Variants in STAG1 observed in about 807,000 individuals in gnomAD.
STAG1 encodes the protein STAG1 cohesin complex component, also known as cohesin subunit SA-1.
A neutral mutation model predicts 170.9 loss-of-function variants in STAG1; 26 were observed. The observed-to-expected ratio is 0.15, with a 90% CI of 0.11 to 0.21. The LOEUF (loss-of-function observed/expected upper bound fraction) is 0.21. Ranked by LOEUF, STAG1 falls within the 10% of genes least tolerant of loss-of-function variation. The pLI is 1.00. For synonymous variants in STAG1, 514 were observed against 497.7 expected (o/e 1.03, Z -0.44); for missense variants, 964 against 1,509.5 (o/e 0.64, Z 5.99).
chr3:136,525,633 G>C (rs1934973354), intron 6 of STAG1, among the ~76,000 whole-genome samples: 1 of 152,048 alleles, frequency 6.6e-6, no homozygotes, highest in South Asian at 2.1e-4. Flanking sequence ...CTTGCTTTCT[G>C]CTAGCTTTTG....
rs778672737 is a variant in STAG1, at chr3:136,349,138, T to C, written c.3271+20A>G. ...TTAAAACCAGGCAAATTGTTTCTTA[T>C]AGTGTAAAGGCAGACTTACCTTCTA... On this transcript the variant is annotated intron_variant, in intron 29 of 33. Transcript: ENST00000383202. 12 of 1,581,400 alleles carry C rather than the reference T, an allele frequency of 7.6e-6. No individual in the cohort carries two copies. The highest frequency in any genetic ancestry group is 2.2e-5 in the East Asian group (1 of 44,726).
chr3:136,526,293 T>C (rs192067372), intron 6 of STAG1, among the ~76,000 whole-genome samples: 3 of 152,332 alleles, frequency 2.0e-5, no homozygotes, highest in African/African-American at 7.2e-5. Context: ...ATTGGGTGAA[T>C]ATATATTTAG....
At chr3:136,602,804 C>T (rs1938735362) in intron 4 of STAG1, among the ~76,000 whole-genome samples, 1 of 152,114 alleles carries the variant, frequency 6.6e-6, no homozygotes, top group Non-Finnish European at 1.5e-5. Context: ...TGAGCCACTG[C>T]ACTCCAACCT....
chr3:136,361,090 AG>A (rs1936846640), intron 26 of STAG1, among the ~76,000 whole-genome samples: 1 of 152,242 alleles, frequency 6.6e-6, no homozygotes, highest in Non-Finnish European at 1.5e-5. Context: ...TCAAAGTAAA[AG>A]TTATTCTTTC....
rs562747060 is a variant in STAG1, at chr3:136,587,203, T to C, written c.297+17106A>G. Among the ~76,000 whole-genome samples the C allele has an allele frequency of 2.2e-4, 34 of 151,990 alleles. 1 individual carries two copies. The South Asian group carries it at 6.8e-3, about 31-fold the overall frequency. On this transcript the variant is annotated intron_variant, in intron 4 of 33. Transcript: ENST00000383202. The stretch of plus-strand genomic sequence containing the variant: ...AAACAACTTCACTCTTAAGCAAATA[T>C]TAATCTATCATCTGAGGATTTTCAA...
At chr3:136,621,440 T>C (rs567222994) in intron 3 of STAG1, among the ~76,000 whole-genome samples, 4 of 152,256 alleles carry the variant, frequency 2.6e-5, no homozygotes, top group East Asian at 3.9e-4. Context: ...AACTTGCCTA[T>C]GGTCTCAGAA....
intron 25 of STAG1, among the ~76,000 whole-genome samples, chr3:136,365,650 G>A (rs1028923389): frequency 2.6e-5 from 4 of 152,012 alleles, no homozygotes; most frequent in African/African-American, 4.8e-5. Context: ...CAATACCATC[G>A]GTGAGCTTGA....
At chr3:136,534,594 G>T (rs915317237) in intron 6 of STAG1, among the ~76,000 whole-genome samples, 4 of 152,008 alleles carry the variant, frequency 2.6e-5, no homozygotes, top group African/African-American at 9.7e-5. Context: ...CAAAGCACAT[G>T]AATAGTCAAT....
At chr3:136,479,021 C>G (rs1437515101) in intron 9 of STAG1, among the ~76,000 whole-genome samples, 1 of 150,890 alleles carries the variant, frequency 6.6e-6, no homozygotes. Context: ...ACCTGGCATC[C>G]ATTAATCCTT....
At chr3:136,630,575 G>T (rs1442632664) in intron 2 of STAG1, among the ~76,000 whole-genome samples, 1 of 152,118 alleles carries the variant, frequency 6.6e-6, no homozygotes, top group Non-Finnish European at 1.5e-5. Context: ...ATTTTATTTT[G>T]CAAAAAGAGA....
At chr3:136,460,435 C>A (rs2089240306) in intron 13 of STAG1, among the ~76,000 whole-genome samples, 1 of 152,034 alleles carries the variant, frequency 6.6e-6, no homozygotes, top group African/African-American at 2.4e-5. Flanking sequence ...AACCCCATCT[C>A]TACTAAAAAT....
chr3:136,450,178 A>G (rs183269793), intron 14 of STAG1, among the ~76,000 whole-genome samples: 1 of 152,312 alleles, frequency 6.6e-6, no homozygotes, highest in Non-Finnish European at 1.5e-5. Context: ...ATTCTGTAAT[A>G]CATGCACCCT....
At chr3:136,673,215 CTG>C (rs976562388) in intron 1 of STAG1, among the ~76,000 whole-genome samples, 16 of 152,124 alleles carry the variant, frequency 1.1e-4, no homozygotes, top group African/African-American at 3.4e-4. Flanking sequence ...AATCTGTAAA[CTG>C]TGTTTTCAAA....
At chr3:136,535,014 T>C (rs757826874) in intron 6 of STAG1, among the ~76,000 whole-genome samples, 10 of 152,160 alleles carry the variant, frequency 6.6e-5, no homozygotes, top group Non-Finnish European at 1.5e-5. Flanking sequence ...CATCAATAGA[T>C]GAATGGATAA....
chr3:136,487,945 G>C (rs1478931089), intron 9 of STAG1, among the ~76,000 whole-genome samples: 2 of 152,152 alleles, frequency 1.3e-5, no homozygotes. Context: ...TGAGTAACTA[G>C]AGCTTTCTGC....
chr3:136,385,557 C>T (rs2086851710), intron 22 of STAG1, among the ~76,000 whole-genome samples: 1 of 152,120 alleles, frequency 6.6e-6, no homozygotes, highest in Non-Finnish European at 1.5e-5. Flanking sequence ...ATCCATTTTG[C>T]AAGTAGCTTT....
chr3:136,521,740 A>T (rs1035463140), intron 6 of STAG1, among the ~76,000 whole-genome samples: 1 of 152,220 alleles, frequency 6.6e-6, no homozygotes, highest in Non-Finnish European at 1.5e-5. Context: ...AAAATTTTTT[A>T]AAGTTTAGAC....
At chr3:136,750,401 C>T (rs1325185412) in intron 1 of STAG1, among the ~76,000 whole-genome samples, 1 of 152,178 alleles carries the variant, frequency 6.6e-6, no homozygotes, top group Non-Finnish European at 1.5e-5. Flanking sequence ...AACTTCGGTC[C>T]AGGACCCACT....
At chr3:136,657,301 CAA>C (rs1941419780) in intron 1 of STAG1, among the ~76,000 whole-genome samples, 2 of 147,752 alleles carry the variant, frequency 1.4e-5, no homozygotes, top group South Asian at 4.2e-4. Context: ...CGGGTTCAAG[CAA>C]TTCTTGTCCC....
Sources: gnomAD v4.1 joint callset for allele counts (sites outside exome capture counted in the v4.1 genomes callset) on GRCh38, gnomAD v4.1.1 for gene constraint, MANE v1.5 for transcripts, NCBI Gene and HGNC (gene_info 2026-07-23, HGNC 2026-07-21) for gene names.